RLF: variants seen among roughly 807,000 people sequenced by gnomAD.
The protein encoded by RLF is RLF zinc finger, also known as zinc finger protein Rlf.
Under a neutral mutation model 162.9 loss-of-function variants are expected in RLF, and 7 were observed. That is an observed-to-expected ratio of 0.04 (90% CI 0.02 to 0.08). RLF has a LOEUF of 0.08. RLF is among the 10% of genes least tolerant of loss of function. The pLI is 1.00. For synonymous variants in RLF, 782 were observed against 791.5 expected (o/e 0.99, Z 0.20); for missense variants, 1,664 against 2,244.7 (o/e 0.74, Z 5.23).
At chr1:40,217,514 G>A (rs1642940062) in intron 5 of RLF, among the ~76,000 whole-genome samples, 1 of 152,164 alleles carries the variant, frequency 6.6e-6, no homozygotes, top group African/African-American at 2.4e-5. Context: ...GCTCACTCCA[G>A]TAATCCTAGC....
chr1:40,195,203 C>T (rs1287980884), intron 3 of RLF, among the ~76,000 whole-genome samples: 1 of 151,578 alleles, frequency 6.6e-6, no homozygotes, highest in East Asian at 2.0e-4. Flanking sequence ...ATAATCCCAG[C>T]ACTTTGGGAG....
At chr1:40,178,632 G>GTTTT (rs57391266) in intron 1 of RLF, among the ~76,000 whole-genome samples, 3 of 88,408 alleles carry the variant, frequency 3.4e-5, no homozygotes, top group Admixed American at 1.2e-4. Context: ...TTTTTTTTTT[G>GTTTT]TTTTTTTTTT....
At position 40,173,429 on chromosome 1, in the gene RLF, T is replaced by G. The variant is rs1403907804; in HGVS notation, c.237+11793T>G. Among the ~76,000 whole-genome samples the G allele has an allele frequency of 2.6e-5, 4 of 152,084 alleles. No homozygotes were observed. In the East Asian group the frequency reaches 7.7e-4, roughly 29 times the overall value. Reference sequence around the variant, plus strand: ...ACATTTACATTTTTTTTTGTGAGGTTTACCTTTTTCATATATTATGACTAT... The same window carrying G: ...ACATTTACATTTTTTTTTGTGAGGTGTACCTTTTTCATATATTATGACTAT... On this transcript the variant is annotated intron_variant, in intron 1 of 7. Coordinates refer to ENST00000372771, the MANE Select transcript of RLF (RefSeq NM_012421.4).
chr1:40,205,485 C>CCTTT (rs990825771), intron 5 of RLF, among the ~76,000 whole-genome samples: 60 of 107,042 alleles, frequency 5.6e-4, no homozygotes, highest in African/African-American at 2.2e-3. Flanking sequence ...TTCCTTCCTT[C>CCTTT]TTTTTTTTTT....
chr1:40,161,728 A>T lies in RLF; in HGVS notation c.237+92A>T. ...TCTGTAAGCAGCCGGGTCCAAACTGAAAGGCGCCACCTCCGTGACTCGCCG... is the reference window on the plus strand; with the variant it reads ...TCTGTAAGCAGCCGGGTCCAAACTGTAAGGCGCCACCTCCGTGACTCGCCG... On this transcript the variant is annotated intron_variant, in intron 1 of 7. Transcript: ENST00000372771. This position sits in a 1 kb window ranked among gnomAD's most constrained non-coding sequence, Gnocchi z 4.4. 2 of 1,505,486 alleles carry T rather than the reference A, an allele frequency of 1.3e-6. No homozygotes were observed. The highest frequency in any genetic ancestry group is 1.8e-6 in the Non-Finnish European group (2 of 1,135,512). The allele number at this position is 1,505,486 out of a possible 1,614,324, so 93.3% of individuals were successfully genotyped here.
rs1409756923 is a variant in RLF at position 40,194,904 on chromosome 1, G to C, written c.475-728G>C. On this transcript the variant is annotated intron_variant, in intron 3 of 7. Transcript: ENST00000372771. The stretch of plus-strand genomic sequence containing the variant: ...GCTGGAGCGCAGTGGCACAATCATG[G>C]CTCACTGCAACCTCTGCCTCCCAGG... Among the ~76,000 whole-genome samples the C allele has an allele frequency of 2.0e-5, 3 of 151,758 alleles. No individual in the cohort carries two copies. The East Asian group carries it at 5.9e-4, about 30-fold the overall frequency.
intron 3 of RLF, among the ~76,000 whole-genome samples, chr1:40,192,424 A>G (rs986682281): frequency 1.3e-5 from 2 of 152,216 alleles, no homozygotes; most frequent in Non-Finnish European, 2.9e-5. Context: ...GAAATGCTCC[A>G]GTGAGCATTT....
chr1:40,200,811 C>G (rs16827041), intron 4 of RLF, among the ~76,000 whole-genome samples: 7,268 of 143,112 alleles, frequency 0.051, 571 homozygotes, highest in African/African-American at 0.17. Context: ...GATTGATTCT[C>G]ATATGTAGTT....
At position 40,238,530 on chromosome 1, in the gene RLF, C is replaced by G; in HGVS notation, c.3828C>G (p.Gly1276=). The G allele has an allele frequency of 6.2e-7, 1 of 1,613,840 alleles. No individual in the cohort carries two copies. Among genetic ancestry groups the G allele is most frequent in the South Asian group, 1.1e-5 (1 of 91,084 alleles). ...CATCTGACATTTCATCACCAATAGGCAGCCATAGAGAAGAACAAGAAGGAA... is the reference window on the plus strand; with the variant it reads ...CATCTGACATTTCATCACCAATAGGGAGCCATAGAGAAGAACAAGAAGGAA... ...SKTSDISSPI[G]SHREEQEGRE... The change falls in exon 8 of 8, where the codon GGC becomes GGG. Residue 1276 remains glycine, a synonymous_variant. Coordinates refer to ENST00000372771, the MANE Select transcript of RLF (RefSeq NM_012421.4). The surrounding 1 kb of genome is among the most constrained non-coding windows in gnomAD (Gnocchi z 5.2).
chr1:40,165,732 A>G (rs943524286), intron 1 of RLF, among the ~76,000 whole-genome samples: 1 of 152,142 alleles, frequency 6.6e-6, no homozygotes, highest in Non-Finnish European at 1.5e-5. Flanking sequence ...TTTCTAAATT[A>G]TAAATATAAT....
At chr1:40,170,047 G>A (rs999447510) in intron 1 of RLF, among the ~76,000 whole-genome samples, 9 of 152,020 alleles carry the variant, frequency 5.9e-5, no homozygotes, top group African/African-American at 9.7e-5. Context: ...GAGACATTAC[G>A]TATTGTGCAG....
At chr1:40,202,676 G>T in intron 5 of RLF, 62 bp downstream of exon 5, 1 of 973,866 alleles carries the variant, frequency 1.0e-6, no homozygotes, top group Non-Finnish European at 1.5e-6. Context: ...TATATATATT[G>T]CATGGTTTAT....
At chr1:40,211,535 A>G (rs1328092605) in intron 5 of RLF, among the ~76,000 whole-genome samples, 1 of 152,214 alleles carries the variant, frequency 6.6e-6, no homozygotes, top group African/African-American at 2.4e-5. Context: ...ACCAATGCAA[A>G]ACATTTAGTA....
intron 1 of RLF, among the ~76,000 whole-genome samples, chr1:40,162,271 T>C (rs1005982355): frequency 1.3e-5 from 2 of 151,998 alleles, no homozygotes; most frequent in African/African-American, 4.8e-5. Flanking sequence ...GGCTGACTCT[T>C]TGAGTAGAAG....
At chr1:40,205,570 A>G (rs1642780329) in intron 5 of RLF, among the ~76,000 whole-genome samples, 1 of 147,586 alleles carries the variant, frequency 6.8e-6, no homozygotes, top group East Asian at 2.0e-4. Flanking sequence ...GCTCGCTGCA[A>G]GCTCCGCCTC....
At chr1:40,232,226 AAAAAG>A (rs1180529865) in intron 7 of RLF, among the ~76,000 whole-genome samples, 8 of 152,036 alleles carry the variant, frequency 5.3e-5, no homozygotes, top group African/African-American at 1.7e-4. Flanking sequence ...TAAAAAAAAA[AAAAAG>A]AACATTTCAA....
At position 40,238,796 on chromosome 1, in the gene RLF, A is replaced by G. The variant is rs754838466; in HGVS notation, c.4094A>G (p.Lys1365Arg). Residue 1365 changes from lysine (K) to arginine (R), a missense_variant, in exon 8 of 8, where the codon AAA (lysine) becomes AGA (arginine). Lys to Arg is a conservative substitution (Grantham distance 26). Transcript: ENST00000372771. This position sits in a 1 kb window ranked among gnomAD's most constrained non-coding sequence, Gnocchi z 5.2. ...AAATGTAAAAAGATATTTGCTTGCA[A>G]ATATAAGGAATGTAATAAACGCTTC... Reference protein sequence around the residue: ...LVKCKKIFACKYKECNKRFLC... With the variant: ...LVKCKKIFACRYKECNKRFLC... 49 of 1,612,698 alleles carry G rather than the reference A, an allele frequency of 3.0e-5. No homozygotes were observed. Among genetic ancestry groups the G allele is most frequent in the Non-Finnish European group, 4.0e-5 (47 of 1,179,590 alleles).
chr1:40,182,013 T>C (rs1483016032), intron 1 of RLF, among the ~76,000 whole-genome samples: 1 of 152,148 alleles, frequency 6.6e-6, no homozygotes, highest in Non-Finnish European at 1.5e-5. Flanking sequence ...AATAAATAAT[T>C]GGGTAATAAA....
At position 40,232,117 on chromosome 1, in the gene RLF, A is replaced by T. The variant is rs930853775; in HGVS notation, c.1089+459A>T. Among the ~76,000 whole-genome samples the T allele has an allele frequency of 6.6e-5, 10 of 151,992 alleles. No individual in the cohort carries two copies. In the South Asian group the frequency reaches 2.1e-3, roughly 32 times the overall value. On this transcript the variant is annotated intron_variant, in intron 7 of 7. Transcript: ENST00000372771. ...CAGCTACTTTGGAGGCTGAGGCAGG[A>T]GAATCGCTTGAACAGGGAAGGCGGA...
Sources: gnomAD v4.1 joint callset for allele counts (sites outside exome capture counted in the v4.1 genomes callset) on GRCh38, gnomAD v4.1.1 for gene constraint, Gnocchi (gnomAD v3.1) non-coding constraint, MANE v1.5 for transcripts, NCBI Gene and HGNC (gene_info 2026-07-23, HGNC 2026-07-21) for gene names.